The following TMEM117 variants were observed in gnomAD, a reference collection of about 807,000 sequenced individuals.
TMEM117 encodes transmembrane protein 117.
In TMEM117, 27 loss-of-function variants were observed where a neutral mutation model predicts 52.4. The ratio of observed to expected loss-of-function variants is 0.51; its 90% CI spans 0.38 to 0.71. The LOEUF is 0.71. Among genes scored for constraint, TMEM117 ranks in the 30% least tolerant of loss-of-function variants. The pLI is 0.00. For synonymous variants in TMEM117, 215 were observed against 206.3 expected, an observed-to-expected ratio of 1.04 and a Z score of -0.36; for missense variants, 556 against 630.5, an observed-to-expected ratio of 0.88 and a Z score of 1.26.
chr12:43,882,217 T>C (rs1235516302), intron 2 of TMEM117, among the ~76,000 whole-genome samples: 1 of 152,194 alleles, frequency 6.6e-6, no homozygotes, highest in Non-Finnish European at 1.5e-5. Flanking sequence ...AGAAATATTA[T>C]GGAAGGCCAA....
Position 44,096,201 on chromosome 12 carries a change from A to G in TMEM117, c.411-47324A>G, listed in dbSNP as rs531096129. Among the ~76,000 whole-genome samples the G allele has an allele frequency of 4.0e-4, 61 of 152,364 alleles. 1 individual carries two copies. The South Asian group carries it at 0.012, about 30-fold the overall frequency. The stretch of plus-strand genomic sequence containing the variant: ...AAGGAGAACTACAAACCATTACTCA[A>G]TGAAATAAAAGAGGATATAAACAAA... On this transcript the variant is annotated intron_variant, in intron 3 of 7. Coordinates refer to ENST00000266534, the MANE Select transcript of TMEM117 (RefSeq NM_032256.3).
intron 2 of TMEM117, among the ~76,000 whole-genome samples, chr12:43,848,091 G>T (rs186619688): frequency 3.9e-5 from 6 of 152,246 alleles, no homozygotes; most frequent in Non-Finnish European, 5.9e-5. Context: ...ACTGATAAGG[G>T]TCTAACAAAG....
intron 2 of TMEM117, among the ~76,000 whole-genome samples, chr12:43,895,143 CCCACTCT>C (rs1351266555): frequency 6.6e-6 from 1 of 152,160 alleles, no homozygotes; most frequent in African/African-American, 2.4e-5. Context: ...TCTTCCTCCT[CCCACTCT>C]CCACTCTCCA....
intron 3 of TMEM117, among the ~76,000 whole-genome samples, chr12:44,101,679 C>G (rs1365121872): frequency 6.6e-6 from 1 of 152,012 alleles, no homozygotes; most frequent in East Asian, 1.9e-4. Context: ...AAAATTCTTG[C>G]ATGGCATGCA....
At chr12:44,003,593 G>T (rs1946148800) in intron 3 of TMEM117, among the ~76,000 whole-genome samples, 1 of 152,200 alleles carries the variant, frequency 6.6e-6, no homozygotes, top group African/African-American at 2.4e-5. Context: ...GGGATCTGGA[G>T]TTGGAGCATT....
chr12:44,235,778 C>T (rs935556120), intron 5 of TMEM117, among the ~76,000 whole-genome samples: 9 of 151,652 alleles, frequency 5.9e-5, no homozygotes, highest in Non-Finnish European at 1.2e-4. Flanking sequence ...GGTATTGTTT[C>T]CTTGAAAATG....
chr12:44,101,813 C>T (rs573311330), intron 3 of TMEM117, among the ~76,000 whole-genome samples: 1 of 152,128 alleles, frequency 6.6e-6, no homozygotes, highest in Non-Finnish European at 1.5e-5. Context: ...GTCCTCCTTT[C>T]TCTGTCTAGC....
chr12:44,395,977 A>G, the TMEM117 span, among the ~76,000 whole-genome samples: 1 of 152,196 alleles, frequency 6.6e-6, no homozygotes, highest in African/African-American at 2.4e-5. Flanking sequence ...TCACACTTGG[A>G]AGTACATTCA....
chr12:43,995,766 A>G (rs1592424741), intron 3 of TMEM117, among the ~76,000 whole-genome samples: 1 of 152,332 alleles, frequency 6.6e-6, no homozygotes, highest in East Asian at 1.9e-4. Context: ...GCTACAAGAA[A>G]ACAGACTAAT....
intron 4 of TMEM117, among the ~76,000 whole-genome samples, chr12:44,167,501 T>G (rs962644911): frequency 4.6e-5 from 7 of 152,036 alleles, no homozygotes; most frequent in African/African-American, 1.7e-4. Flanking sequence ...ACCCCGTCTC[T>G]ACTAAAAATA....
At chr12:44,149,054 C>T (rs1442808483) in intron 4 of TMEM117, among the ~76,000 whole-genome samples, 1 of 152,204 alleles carries the variant, frequency 6.6e-6, no homozygotes, top group Non-Finnish European at 1.5e-5. Flanking sequence ...CTTGTGAACA[C>T]TCTTGAATGG....
chr12:44,036,099 C>T (rs769210724), intron 3 of TMEM117, among the ~76,000 whole-genome samples: 104 of 152,118 alleles, frequency 6.8e-4, no homozygotes, highest in Non-Finnish European at 1.2e-3. Flanking sequence ...GTTTCTAGAT[C>T]ACAGAGATCA....
At chr12:43,957,755 A>G (rs550249641) in intron 3 of TMEM117, among the ~76,000 whole-genome samples, 25 of 152,294 alleles carry the variant, frequency 1.6e-4, no homozygotes, top group Admixed American at 2.6e-4. Flanking sequence ...TTTCTTAGTA[A>G]TGTAATTTTT....
chr12:44,194,841 CAATT>C (rs1303386503), intron 4 of TMEM117, among the ~76,000 whole-genome samples: 1 of 151,992 alleles, frequency 6.6e-6, no homozygotes, highest in Non-Finnish European at 1.5e-5. Context: ...AATAAAATCT[CAATT>C]AATCTGAAAG....
chr12:43,875,075 A>G (rs997562354), intron 2 of TMEM117, among the ~76,000 whole-genome samples: 3 of 152,244 alleles, frequency 2.0e-5, no homozygotes, highest in African/African-American at 7.2e-5. Context: ...TAGCCTCTAT[A>G]ATTTTGAGCT....
At chr12:44,065,766 C>T (rs900623083) in intron 3 of TMEM117, among the ~76,000 whole-genome samples, 8 of 152,092 alleles carry the variant, frequency 5.3e-5, no homozygotes, top group Admixed American at 2.0e-4. Context: ...GAATCCCACT[C>T]GTGTACAGAT....
At chr12:44,257,834 T>A (rs1392722210) in intron 5 of TMEM117, among the ~76,000 whole-genome samples, 1 of 152,156 alleles carries the variant, frequency 6.6e-6, no homozygotes, top group Non-Finnish European at 1.5e-5. Flanking sequence ...TTTCTATTTT[T>A]AAATAAAGTA....
intron 3 of TMEM117, among the ~76,000 whole-genome samples, chr12:44,133,653 G>T (rs190632829): frequency 1.1e-4 from 17 of 152,214 alleles, no homozygotes; most frequent in South Asian, 2.1e-4. Flanking sequence ...ATGGGGCAAT[G>T]AGAACTAATT....
At chr12:44,352,421 A>C (rs1483172398) in intron 6 of TMEM117, among the ~76,000 whole-genome samples, 7 of 151,964 alleles carry the variant, frequency 4.6e-5, no homozygotes, top group Non-Finnish European at 1.0e-4. Flanking sequence ...CATTAGGTGT[A>C]TCTCCTAATG....
Sources: gnomAD v4.1 joint callset for allele counts (sites outside exome capture counted in the v4.1 genomes callset) on GRCh38, gnomAD v4.1.1 for gene constraint, MANE v1.5 for transcripts, NCBI Gene and HGNC (gene_info 2026-07-23, HGNC 2026-07-21) for gene names.